The following TAFA1 variants were observed in gnomAD, a reference collection of about 807,000 sequenced individuals.
The protein encoded by TAFA1 is TAFA chemokine like family member 1.
A neutral mutation model predicts 18.5 loss-of-function variants in TAFA1; 4 were observed. That is an observed-to-expected ratio of 0.22 (90% CI 0.11 to 0.49). TAFA1 has a LOEUF of 0.49. Among genes scored for constraint, TAFA1 ranks in the 20% least tolerant of loss-of-function variants. TAFA1 has a pLI of 0.98. For synonymous variants in TAFA1, 56 were observed against 55.2 expected (o/e 1.01, Z -0.06); for missense variants, 147 against 169.0 (o/e 0.87, Z 0.72).
chr3:68,478,910 A>ATG (rs1177751146), intron 3 of TAFA1, among the ~76,000 whole-genome samples: 81 of 84,748 alleles, frequency 9.6e-4, no homozygotes, highest in African/African-American at 1.9e-3. Context: ...TATGTCGTAT[A>ATG]TGTGTGTATA....
At chr3:68,075,032 CCAGA>C (rs2064806973) in intron 2 of TAFA1, among the ~76,000 whole-genome samples, 1 of 152,116 alleles carries the variant, frequency 6.6e-6, no homozygotes, top group Non-Finnish European at 1.5e-5. Context: ...AGACTGAGGA[CCAGA>C]CAAAGTAGAA....
chr3:68,402,340 G>T (rs556288625), intron 2 of TAFA1, among the ~76,000 whole-genome samples: 1 of 152,182 alleles, frequency 6.6e-6, no homozygotes, highest in Non-Finnish European at 1.5e-5. Context: ...CTGCCTGGTG[G>T]CCAGACTAAG....
chr3:68,049,069 A>C (rs918516054), intron 2 of TAFA1, among the ~76,000 whole-genome samples: 7 of 152,172 alleles, frequency 4.6e-5, no homozygotes, highest in African/African-American at 1.4e-4. Context: ...ACAAATTTAC[A>C]TTATAGCTGG....
chr3:68,475,374 T>C (rs1007069145), intron 3 of TAFA1, among the ~76,000 whole-genome samples: 1 of 149,826 alleles, frequency 6.7e-6, no homozygotes, highest in Non-Finnish European at 1.5e-5. Flanking sequence ...GTGTTCTCAC[T>C]GTTCAATTCC....
At chr3:68,262,149 AT>A (rs2067438552) in intron 2 of TAFA1, among the ~76,000 whole-genome samples, 1 of 151,160 alleles carries the variant, frequency 6.6e-6, no homozygotes, top group Non-Finnish European at 1.5e-5. Context: ...ATACCGTCCA[AT>A]TTAGGGACTG....
At chr3:68,484,155 C>T (rs763501318) in intron 3 of TAFA1, among the ~76,000 whole-genome samples, 6 of 152,168 alleles carry the variant, frequency 3.9e-5, no homozygotes, top group Non-Finnish European at 8.8e-5. Flanking sequence ...AAATTATTAA[C>T]GAGTTATTTT....
intron 3 of TAFA1, among the ~76,000 whole-genome samples, chr3:68,450,078 G>A (rs895141377): frequency 4.6e-5 from 7 of 152,130 alleles, no homozygotes; most frequent in Non-Finnish European, 7.3e-5. Context: ...ATCCACACAA[G>A]GAATGATAAG....
intron 2 of TAFA1, among the ~76,000 whole-genome samples, chr3:68,139,445 C>A (rs1234013426): frequency 6.6e-6 from 1 of 152,038 alleles, no homozygotes; most frequent in Non-Finnish European, 1.5e-5. Flanking sequence ...AAACAAGTAA[C>A]ATTATGGGGA....
chr3:68,114,618 TA>T (rs949813032), intron 2 of TAFA1, among the ~76,000 whole-genome samples: 17 of 152,224 alleles, frequency 1.1e-4, no homozygotes, highest in Admixed American at 3.3e-4. Context: ...TACATGATGC[TA>T]GTAAGAGTGT....
chr3:68,288,424 G>A (rs747797918), intron 2 of TAFA1, among the ~76,000 whole-genome samples: 46 of 152,206 alleles, frequency 3.0e-4, no homozygotes, highest in Non-Finnish European at 5.0e-4. Context: ...GGAAACTTCC[G>A]TTTCATTGGC....
intron 2 of TAFA1, among the ~76,000 whole-genome samples, chr3:68,238,232 G>A (rs1021509753): frequency 2.0e-5 from 3 of 152,186 alleles, no homozygotes; most frequent in Non-Finnish European, 4.4e-5. Context: ...TTTGACATCA[G>A]AGGGCTGGTA....
chr3:68,464,197 T>C (rs2071838742), intron 3 of TAFA1, among the ~76,000 whole-genome samples: 1 of 152,190 alleles, frequency 6.6e-6, no homozygotes, highest in Non-Finnish European at 1.5e-5. Flanking sequence ...TGCTGGAGCT[T>C]TGTAGACAAA....
chr3:68,118,430 C>T (rs922045728), intron 2 of TAFA1, among the ~76,000 whole-genome samples: 4 of 152,152 alleles, frequency 2.6e-5, no homozygotes, highest in Admixed American at 2.6e-4. Context: ...CGCTCACCTC[C>T]TGCTGTATGG....
chr3:68,333,035 C>T (rs901422942), intron 2 of TAFA1, among the ~76,000 whole-genome samples: 2 of 152,166 alleles, frequency 1.3e-5, no homozygotes, highest in African/African-American at 2.4e-5. Context: ...GAAAAGAGAA[C>T]ACCTATACAC....
chr3:68,070,661 CTG>C (rs2064742831), intron 2 of TAFA1, among the ~76,000 whole-genome samples: 1 of 152,250 alleles, frequency 6.6e-6, no homozygotes, highest in Non-Finnish European at 1.5e-5. Context: ...CTTTTATGCT[CTG>C]TTTCCCTTAT....
At chr3:68,417,563 C>T in intron 3 of TAFA1, 143 bp downstream of exon 3, 1 of 766,144 alleles carries the variant, frequency 1.3e-6, no homozygotes. Context: ...CCAGCCTCAG[C>T]AGAGTTTGAA....
At chr3:68,053,188 T>C (rs1022885525) in intron 2 of TAFA1, among the ~76,000 whole-genome samples, 14 of 151,938 alleles carry the variant, frequency 9.2e-5, no homozygotes, top group African/African-American at 3.4e-4. Flanking sequence ...TTTTCAAATA[T>C]GAACATTGCA....
At position 68,199,641 on chromosome 3, in the gene TAFA1, A is replaced by G. The variant is rs574906289; in HGVS notation, c.118+192897A>G. 1.9e-3 allele frequency among the ~76,000 whole-genome samples: 287 copies of G among 151,606 alleles called. 3 individuals are homozygous for G. The highest frequency in any genetic ancestry group is 6.5e-3 in the African/African-American group (269 of 41,486). On this transcript the variant is annotated intron_variant, in intron 2 of 4. Transcript: ENST00000478136. The stretch of plus-strand genomic sequence containing the variant: ...AAATGGTATTGTGTTTTTAATTTCA[A>G]ATTACACCTGTTTGTTGCTGGTATA...
At chr3:68,007,938 G>T (rs1008915483) in intron 2 of TAFA1, among the ~76,000 whole-genome samples, 3 of 152,204 alleles carry the variant, frequency 2.0e-5, no homozygotes, top group Admixed American at 6.5e-5. Flanking sequence ...GTCAGAGCGC[G>T]GATGCAGCCC....
Sources: gnomAD v4.1 joint callset for allele counts (sites outside exome capture counted in the v4.1 genomes callset) on GRCh38, gnomAD v4.1.1 for gene constraint, MANE v1.5 for transcripts, NCBI Gene and HGNC (gene_info 2026-07-23, HGNC 2026-07-21) for gene names.